PDE10A: variants seen among roughly 807,000 people sequenced by gnomAD.
PDE10A encodes the protein cAMP and cAMP-inhibited cGMP 3',5'-cyclic phosphodiesterase 10A.
Under a neutral mutation model 97.7 loss-of-function variants are expected in PDE10A, and 39 were observed. That is an observed-to-expected ratio of 0.40 (90% confidence interval 0.31 to 0.52). The LOEUF is 0.52. PDE10A is among the 20% of genes least tolerant of loss of function. The pLI is 0.56. For missense variants in PDE10A, 731 were observed against 1,047.8 expected (o/e 0.70, Z 4.17); for synonymous variants, 371 against 376.8 (o/e 0.98, Z 0.18).
chr6:165,403,899 C>T (rs561228500), intron 13 of PDE10A, among the ~76,000 whole-genome samples: 2 of 152,206 alleles, frequency 1.3e-5, no homozygotes, highest in Admixed American at 6.5e-5. Context: ...CTGCAAGTTA[C>T]GCGATTTCAT....
chr6:165,984,317 C>G (rs1785115230), intron 1 of PDE10A, among the ~76,000 whole-genome samples: 1 of 152,176 alleles, frequency 6.6e-6, no homozygotes, highest in South Asian at 2.1e-4. Context: ...ACTGGTAGTA[C>G]AGACTTCCAT....
At chr6:165,425,769 T>G (rs1789083894) in intron 10 of PDE10A, among the ~76,000 whole-genome samples, 1 of 56,742 alleles carries the variant, frequency 1.8e-5, no homozygotes. Context: ...GAAGGCATGA[T>G]CGTGTGTGTG....
At chr6:165,368,999 C>G (rs913318323) in intron 18 of PDE10A, among the ~76,000 whole-genome samples, 7 of 152,146 alleles carry the variant, frequency 4.6e-5, no homozygotes, top group African/African-American at 1.4e-4. Context: ...CAAACTCCAA[C>G]AGACCTGCAG....
At chr6:165,890,976 A>T (rs531156087) in intron 1 of PDE10A, among the ~76,000 whole-genome samples, 1 of 152,280 alleles carries the variant, frequency 6.6e-6, no homozygotes, top group East Asian at 1.9e-4. Context: ...CAAGATAACA[A>T]ATGATTTTTC....
rs1309640988 is a variant in PDE10A, at chr6:165,328,972, A to G, written c.*4053T>C. On this transcript the variant is annotated 3_prime_UTR_variant, in exon 22 of 22. Coordinates refer to ENST00000539869, the MANE Select transcript of PDE10A (RefSeq NM_001385079.1). ...CATGCGCTGAAAGCATGGGGAAACT[A>G]TAACGGATGACATACTTGGCTGATT... 6 of 152,242 alleles carry G rather than the reference A, an allele frequency of 3.9e-5. No homozygotes were observed. The highest frequency in any genetic ancestry group is 2.0e-4 in the Admixed American group (3 of 15,282). The allele number at this position is 152,242 out of a possible 1,614,324, so 9.4% of individuals were successfully genotyped here.
intron 1 of PDE10A, among the ~76,000 whole-genome samples, chr6:165,942,761 G>A (rs1783573666): frequency 1.3e-5 from 2 of 152,138 alleles, no homozygotes; most frequent in African/African-American, 2.4e-5. Context: ...TGTGCTGGTA[G>A]GTATTTACGA....
At chr6:165,378,244 C>A (rs1355891860) in intron 18 of PDE10A, among the ~76,000 whole-genome samples, 1 of 152,132 alleles carries the variant, frequency 6.6e-6, no homozygotes, top group East Asian at 1.9e-4. Context: ...TCCCAAAGAA[C>A]AAAATGTAGG....
At chr6:165,971,774 A>G (rs926405040) in intron 1 of PDE10A, among the ~76,000 whole-genome samples, 2 of 152,202 alleles carry the variant, frequency 1.3e-5, no homozygotes, top group African/African-American at 4.8e-5. Flanking sequence ...GACATTTCCA[A>G]AGATAACTTG....
chr6:165,624,387 G>A (rs1354581681), intron 1 of PDE10A, among the ~76,000 whole-genome samples: 1 of 152,206 alleles, frequency 6.6e-6, no homozygotes, highest in African/African-American at 2.4e-5. Flanking sequence ...GAACATTCAA[G>A]TGTCAATCAT....
intron 15 of PDE10A, among the ~76,000 whole-genome samples, chr6:165,393,230 G>T (rs1043463508): frequency 6.6e-6 from 1 of 152,092 alleles, no homozygotes; most frequent in Non-Finnish European, 1.5e-5. Context: ...CTGCAAATAT[G>T]TATATCATGA....
intron 1 of PDE10A, among the ~76,000 whole-genome samples, chr6:165,793,142 G>A (rs1458718437): frequency 1.3e-5 from 2 of 152,126 alleles, no homozygotes; most frequent in Non-Finnish European, 2.9e-5. Flanking sequence ...CATTGAAACT[G>A]GGCTTTATGT....
chr6:165,415,084 T>C (rs528487529), intron 12 of PDE10A, among the ~76,000 whole-genome samples: 16 of 152,354 alleles, frequency 1.1e-4, no homozygotes, highest in South Asian at 6.2e-4. Flanking sequence ...ATACATGTTT[T>C]ACAAATATTT....
At chr6:165,585,269 T>C (rs919066572) in intron 1 of PDE10A, among the ~76,000 whole-genome samples, 1 of 152,226 alleles carries the variant, frequency 6.6e-6, no homozygotes, top group African/African-American at 2.4e-5. Flanking sequence ...AGTCATAGTT[T>C]AAGAAGAAGT....
At position 165,857,737 on chromosome 6, in the gene PDE10A, G is replaced by GTGTA. The variant is rs397518282; in HGVS notation, c.-615+129791_-615+129792insTACA. ...TGTGTGTGTGTGTGTGTGTGTGTGT[G>GTGTA]AAGAATGATTGTGCTCTTTGGGGCA... On this transcript the variant is annotated intron_variant, in intron 1 of 19. Transcript: ENST00000366882. Among the ~76,000 whole-genome samples, 571 of 74,844 alleles carry GTGTA rather than the reference G, an allele frequency of 7.6e-3. 5 individuals carry two copies. The highest frequency in any genetic ancestry group is 0.019 in the African/African-American group (418 of 22,584). 49.1% of individuals were successfully genotyped at this position (74,844 alleles called of 152,430 possible). A position where few individuals can be genotyped will look rare whatever the true frequency, so the allele number is the denominator to read the frequency against.
chr6:165,936,778 G>T (rs1463312265), intron 1 of PDE10A, among the ~76,000 whole-genome samples: 1 of 152,182 alleles, frequency 6.6e-6, no homozygotes, highest in Non-Finnish European at 1.5e-5. Flanking sequence ...AATGAGTAGA[G>T]ACTTACTGGG....
chr6:165,827,975 G>A (rs899383859), intron 1 of PDE10A, among the ~76,000 whole-genome samples: 6 of 152,134 alleles, frequency 3.9e-5, no homozygotes, highest in South Asian at 2.1e-4. Flanking sequence ...AAGAAAAACC[G>A]ACTCTTCATT....
chr6:165,838,592 C>T (rs1405261318), intron 1 of PDE10A, among the ~76,000 whole-genome samples: 1 of 152,182 alleles, frequency 6.6e-6, no homozygotes, highest in African/African-American at 2.4e-5. Flanking sequence ...CCCTGAGCAG[C>T]CACTACTTTC....
intron 1 of PDE10A, among the ~76,000 whole-genome samples, chr6:165,786,901 T>C (rs1466916318): frequency 6.6e-6 from 1 of 152,242 alleles, no homozygotes; most frequent in African/African-American, 2.4e-5. Flanking sequence ...TTTCAAATCT[T>C]CACATATAAC....
At chr6:165,788,518 C>CAAAAAAAAAAAAAAAAAAGAAAAAAA (rs1778556379) in intron 1 of PDE10A, among the ~76,000 whole-genome samples, 1 of 74,764 alleles carries the variant, frequency 1.3e-5, no homozygotes, top group Non-Finnish European at 2.3e-5. Context: ...AACTCTGTCT[C>CAAAAAAAAAAAAAAAAAAGAAAAAAA]AAAAAAAAAA....
Sources: allele counts gnomAD v4.1 joint callset (sites outside exome capture counted in the v4.1 genomes callset), GRCh38; gene constraint gnomAD v4.1.1; transcripts MANE v1.5; gene names NCBI Gene and HGNC (gene_info 2026-07-23, HGNC 2026-07-21).